The following TRPM3 variants were observed in gnomAD, a reference collection of about 807,000 sequenced individuals.
TRPM3 encodes the protein transient receptor potential cation channel subfamily M member 3, also known as long transient receptor potential channel 3.
A neutral mutation model predicts 181.2 loss-of-function variants in TRPM3; 77 were observed. That is an observed-to-expected ratio of 0.42 (90% CI 0.35 to 0.51). The LOEUF (loss-of-function observed/expected upper bound fraction) is 0.51, where lower values mean the gene tolerates loss of function less well. Among genes scored for constraint, TRPM3 ranks in the 20% least tolerant of loss-of-function variants. The probability of loss-of-function intolerance (pLI) is 0.01; values close to 1 mark genes in which losing one functional copy is unlikely to be tolerated. For synonymous variants in TRPM3, 745 were observed against 796.4 expected (o/e 0.94, Z 1.09); for missense variants, 1,759 against 2,196.7 (o/e 0.80, Z 3.98).
chr9:71,165,618 C>A (rs1276025738), intron 1 of TRPM3, among the ~76,000 whole-genome samples: 1 of 152,150 alleles, frequency 6.6e-6, no homozygotes, highest in Non-Finnish European at 1.5e-5. Context: ...TCTCCCTGCC[C>A]TCTTTTCCCT....
At chr9:70,851,058 G>C (rs558240021) in intron 3 of TRPM3, among the ~76,000 whole-genome samples, 1 of 152,090 alleles carries the variant, frequency 6.6e-6, no homozygotes, top group Non-Finnish European at 1.5e-5. Flanking sequence ...GTGGCTTTTG[G>C]AACCCCAAAA....
chr9:71,119,579 G>C (rs1196938480), intron 1 of TRPM3, among the ~76,000 whole-genome samples: 1 of 152,020 alleles, frequency 6.6e-6, no homozygotes, highest in Non-Finnish European at 1.5e-5. Flanking sequence ...TATATGGAGA[G>C]TGATAGTCAC....
chr9:70,872,193 G>A (rs1482983179), intron 1 of TRPM3, among the ~76,000 whole-genome samples: 1 of 151,866 alleles, frequency 6.6e-6, no homozygotes, highest in Non-Finnish European at 1.5e-5. Context: ...TGTAGCATAA[G>A]AACTCCCATA....
Position 70,932,424 on chromosome 9 carries a change from A to G in TRPM3, c.178-67913T>C, listed in dbSNP as rs200727629. Among the ~76,000 whole-genome samples the G allele has an allele frequency of 3.2e-3, 486 of 152,228 alleles. 6 individuals are homozygous for G. Among genetic ancestry groups the G allele is most frequent in the African/African-American group, 0.011 (449 of 41,550 alleles). On this transcript the variant is annotated intron_variant, in intron 1 of 25. Transcript: ENST00000677713. Reference sequence around the variant, plus strand: ...ACTGGGAATACAATAATGAACAAAAACAGCCACATTCCCTGCTTACTTTGG... The same window carrying G: ...ACTGGGAATACAATAATGAACAAAAGCAGCCACATTCCCTGCTTACTTTGG...
At chr9:71,167,718 T>A (rs1446130119) in intron 1 of TRPM3, among the ~76,000 whole-genome samples, 2 of 151,998 alleles carry the variant, frequency 1.3e-5, no homozygotes, top group Middle Eastern at 3.2e-3. Flanking sequence ...AGCTCTTTTT[T>A]AAAAAAAAGT....
chr9:71,236,768 T>C (rs1022998751), intron 1 of TRPM3, among the ~76,000 whole-genome samples: 2 of 152,094 alleles, frequency 1.3e-5, no homozygotes, highest in Admixed American at 1.3e-4. Flanking sequence ...TAAAACAAGC[T>C]GGGTGCAGTG....
At chr9:70,900,177 A>G (rs541705039) in intron 1 of TRPM3, among the ~76,000 whole-genome samples, 1 of 152,170 alleles carries the variant, frequency 6.6e-6, no homozygotes, top group Non-Finnish European at 1.5e-5. Context: ...TCAAGCAAAT[A>G]AGGAACAGAA....
chr9:70,608,481 T>G (rs1287040998), intron 19 of TRPM3, among the ~76,000 whole-genome samples: 1 of 152,150 alleles, frequency 6.6e-6, no homozygotes, highest in Non-Finnish European at 1.5e-5. Flanking sequence ...TGTTCTAAGC[T>G]AACAGTTGGG....
chr9:71,290,511 G>A (rs1229419062), intron 1 of TRPM3, among the ~76,000 whole-genome samples: 1 of 151,558 alleles, frequency 6.6e-6, no homozygotes, highest in African/African-American at 2.4e-5. Context: ...CAGACCAACA[G>A]TAACAGAGTT....
chr9:70,552,721 A>T, intron 24 of TRPM3, 123 bp downstream of exon 24: 1 of 981,642 alleles, frequency 1.0e-6, no homozygotes, highest in Non-Finnish European at 1.6e-6. Flanking sequence ...CCAAGCCTTC[A>T]GAGCTGTCTG....
intron 24 of TRPM3, among the ~76,000 whole-genome samples, chr9:70,552,198 G>T (rs1457724182): frequency 1.3e-5 from 2 of 152,172 alleles, no homozygotes; most frequent in Non-Finnish European, 2.9e-5. Context: ...GAATCTGTGG[G>T]AGTCACCAGT....
chr9:70,569,223 A>C (rs1307017498), intron 22 of TRPM3, among the ~76,000 whole-genome samples: 1 of 152,182 alleles, frequency 6.6e-6, no homozygotes, highest in Non-Finnish European at 1.5e-5. Flanking sequence ...TTTTTAATCC[A>C]TGGAAACAGA....
chr9:70,995,467 CTG>C, intron 1 of TRPM3, among the ~76,000 whole-genome samples: 1 of 152,214 alleles, frequency 6.6e-6, no homozygotes, highest in East Asian at 1.9e-4. Flanking sequence ...CCCAAACACA[CTG>C]GATCTATTTT....
chr9:71,308,898 C>G (rs1191812860), intron 1 of TRPM3, among the ~76,000 whole-genome samples: 1 of 152,042 alleles, frequency 6.6e-6, no homozygotes, highest in Non-Finnish European at 1.5e-5. Flanking sequence ...CCAAGCACAC[C>G]AAAGAATATG....
chr9:71,151,152 T>C (rs961819610), intron 1 of TRPM3, among the ~76,000 whole-genome samples: 2 of 152,184 alleles, frequency 1.3e-5, no homozygotes, highest in African/African-American at 4.8e-5. Flanking sequence ...TATTCATAAG[T>C]TGAATAGGTA....
chr9:70,678,375 C>T (rs988407996), intron 9 of TRPM3, among the ~76,000 whole-genome samples: 3 of 152,116 alleles, frequency 2.0e-5, no homozygotes, highest in South Asian at 4.1e-4. Context: ...TCAAGTGCTA[C>T]TCCCGCCTCA....
In TRPM3 at chr9:70,844,843, A is replaced by T. The variant is rs188325799; in HGVS notation, c.676+1535T>A. 4.6e-5 allele frequency among the ~76,000 whole-genome samples: 7 copies of T among 152,348 alleles called. No individual in the cohort carries two copies. In the East Asian group the frequency reaches 1.3e-3, roughly 29 times the overall value. On this transcript the variant is annotated intron_variant, in intron 4 of 25. Coordinates refer to ENST00000677713, the MANE Select transcript of TRPM3 (RefSeq NM_001366145.2). Reference sequence around the variant, plus strand: ...GAGTATTGGTAAGACTTTCTTTTGAACCTGTAGAACCCTTTGAGTTGGTCT... The same window carrying T: ...GAGTATTGGTAAGACTTTCTTTTGATCCTGTAGAACCCTTTGAGTTGGTCT...
rs778185642 is a variant in TRPM3 at position 70,545,548 on chromosome 9, C to CTTTCTT, written c.3707+3993_3707+3994insAAGAAA. ...AGAGAAAAGAATTTTAATTTTCTTT[C>CTTTCTT]TTTTTTTTTTTTTTTTGAAGTGGAG... On this transcript the variant is annotated intron_variant, in intron 25 of 25. Coordinates refer to ENST00000677713, the MANE Select transcript of TRPM3 (RefSeq NM_001366145.2). Among the ~76,000 whole-genome samples the CTTTCTT allele has an allele frequency of 4.6e-4, 52 of 113,340 alleles. 1 individual carries two copies. The highest frequency in any genetic ancestry group is 4.1e-3 in the East Asian group (16 of 3,860). 74.4% of individuals were successfully genotyped at this position (113,340 alleles called of 152,430 possible). A position where few individuals can be genotyped will look rare whatever the true frequency, so the allele number is the denominator to read the frequency against.
At chr9:71,085,312 G>A (rs1309456421) in intron 1 of TRPM3, among the ~76,000 whole-genome samples, 2 of 151,978 alleles carry the variant, frequency 1.3e-5, no homozygotes, top group Admixed American at 6.6e-5. Context: ...CTTTTGCACA[G>A]CAAAAGAAAC....
Sources: allele counts gnomAD v4.1 joint callset (sites outside exome capture counted in the v4.1 genomes callset), GRCh38; gene constraint gnomAD v4.1.1; transcripts MANE v1.5; gene names NCBI Gene and HGNC (gene_info 2026-07-23, HGNC 2026-07-21).